SGCZ: variants seen among roughly 807,000 people sequenced by gnomAD.
SGCZ encodes the protein sarcoglycan zeta, also known as zeta-sarcoglycan.
In SGCZ, 40 loss-of-function variants were observed where a neutral mutation model predicts 41.3. That is an observed-to-expected ratio of 0.97 (90% CI 0.75 to 1.26). The LOEUF (loss-of-function observed/expected upper bound fraction) is 1.26, where lower values mean the gene tolerates loss of function less well. Among genes scored for constraint, SGCZ ranks in the 50% most tolerant of loss-of-function variants. SGCZ has a pLI of 0.00. For missense variants in SGCZ, 552 were observed against 369.8 expected (o/e 1.49, Z -4.04); for synonymous variants, 206 against 137.5 (o/e 1.50, Z -3.49).
chr8:14,142,340 T>C (rs139104755), intron 5 of SGCZ, among the ~76,000 whole-genome samples: 2 of 152,076 alleles, frequency 1.3e-5, no homozygotes, highest in African/African-American at 4.8e-5. Context: ...AAAAGAAATA[T>C]GAAAACACAT....
chr8:14,226,341 G>A (rs1340372890), intron 4 of SGCZ, among the ~76,000 whole-genome samples: 1 of 151,934 alleles, frequency 6.6e-6, no homozygotes, highest in Non-Finnish European at 1.5e-5. Flanking sequence ...CAAAATATAG[G>A]ACAGGTTCAT....
At chr8:14,567,725 ACACT>A (rs1465352394) in intron 1 of SGCZ, among the ~76,000 whole-genome samples, 1 of 152,136 alleles carries the variant, frequency 6.6e-6, no homozygotes, top group African/African-American at 2.4e-5. Context: ...ATGAGCTGTA[ACACT>A]CACCGTGAAG....
At chr8:14,972,105 G>T (rs1346177685) in intron 1 of SGCZ, among the ~76,000 whole-genome samples, 4 of 151,764 alleles carry the variant, frequency 2.6e-5, no homozygotes, top group Admixed American at 6.6e-5. Context: ...TGTAGACTTT[G>T]GTATTATTTC....
At chr8:14,277,391 T>C (rs1304172466) in intron 3 of SGCZ, among the ~76,000 whole-genome samples, 5 of 151,700 alleles carry the variant, frequency 3.3e-5, no homozygotes, top group Non-Finnish European at 5.9e-5. Context: ...GTTCAAATTA[T>C]ATTTTTACAA....
At chr8:14,834,156 G>T (rs1398849364) in intron 1 of SGCZ, among the ~76,000 whole-genome samples, 1 of 152,032 alleles carries the variant, frequency 6.6e-6, no homozygotes, top group Non-Finnish European at 1.5e-5. Context: ...TTGTAAATTG[G>T]TATTTTGTAA....
intron 1 of SGCZ, among the ~76,000 whole-genome samples, chr8:14,752,132 C>CAAAAAAAAAA (rs56243371): frequency 8.5e-6 from 1 of 117,794 alleles, no homozygotes; most frequent in Admixed American, 9.3e-5. Flanking sequence ...ACAAAAAAGC[C>CAAAAAAAAAA]AAAAAAAAAA....
chr8:14,619,780 G>A (rs556709297), intron 1 of SGCZ, among the ~76,000 whole-genome samples: 13 of 152,092 alleles, frequency 8.5e-5, no homozygotes, highest in African/African-American at 2.4e-4. Flanking sequence ...CACGCTCAAC[G>A]AAATAAAAGA....
chr8:15,194,185 TCACACACACACACACACACACACACA>T (rs34127082), intron 1 of SGCZ, among the ~76,000 whole-genome samples: 1 of 139,494 alleles, frequency 7.2e-6, no homozygotes, highest in South Asian at 2.4e-4. Flanking sequence ...CCACCTCTAA[TCACACACACACACACACACACACACA>T]CACACACACA....
rs1806473016 is a variant in SGCZ, at chr8:14,229,106, A to G, written c.424+8486T>C. 2.0e-5 allele frequency among the ~76,000 whole-genome samples: 3 copies of G among 152,122 alleles called. No homozygotes were observed. The South Asian group carries it at 6.2e-4, about 31-fold the overall frequency. The stretch of plus-strand genomic sequence containing the variant: ...AACCGTCTCTTTCAGGTTTTAGTCT[A>G]GGTCCTCCAGGAAGGAAAATCTCTA... On this transcript the variant is annotated intron_variant, in intron 4 of 7. Coordinates refer to ENST00000382080, the MANE Select transcript of SGCZ (RefSeq NM_139167.4).
chr8:15,235,881 T>C (rs1433290000), intron 1 of SGCZ, among the ~76,000 whole-genome samples: 1 of 152,224 alleles, frequency 6.6e-6, no homozygotes, highest in African/African-American at 2.4e-5. Context: ...TACATTCTTC[T>C]TCGCATCTCA....
At chr8:14,843,652 CACAT>C (rs1483844975) in intron 1 of SGCZ, among the ~76,000 whole-genome samples, 1 of 151,974 alleles carries the variant, frequency 6.6e-6, no homozygotes, top group African/African-American at 2.4e-5. Flanking sequence ...TTTATAGACA[CACAT>C]ACAAAGCACA....
At chr8:15,203,137 C>A (rs776646250) in intron 1 of SGCZ, among the ~76,000 whole-genome samples, 1 of 151,606 alleles carries the variant, frequency 6.6e-6, no homozygotes, top group African/African-American at 2.4e-5. Context: ...AAAAAAACAC[C>A]AATATGTGCC....
At chr8:14,934,977 C>A (rs1800037992) in intron 1 of SGCZ, among the ~76,000 whole-genome samples, 1 of 143,322 alleles carries the variant, frequency 7.0e-6, no homozygotes. Flanking sequence ...CAGAGTTATT[C>A]ATCCACAATA....
chr8:15,043,631 T>C (rs759058060), intron 1 of SGCZ, among the ~76,000 whole-genome samples: 5 of 152,132 alleles, frequency 3.3e-5, no homozygotes, highest in African/African-American at 7.2e-5. Flanking sequence ...TTTTAAAGTA[T>C]GTAACAATCT....
intron 1 of SGCZ, among the ~76,000 whole-genome samples, chr8:15,202,481 G>T (rs1200155847): frequency 6.6e-6 from 1 of 152,102 alleles, no homozygotes. Flanking sequence ...CAGTACAACG[G>T]ACTTTGAGGT....
intron 1 of SGCZ, among the ~76,000 whole-genome samples, chr8:15,159,451 TG>T (rs1252732466): frequency 6.6e-6 from 1 of 152,136 alleles, no homozygotes; most frequent in African/African-American, 2.4e-5. Flanking sequence ...GGCTTGGGCT[TG>T]TGACTGGCAT....
intron 4 of SGCZ, among the ~76,000 whole-genome samples, chr8:14,234,199 A>T (rs894897106): frequency 2.0e-5 from 3 of 152,078 alleles, no homozygotes; most frequent in Non-Finnish European, 2.9e-5. Context: ...AGCCAGAAAC[A>T]TATAAAATAT....
chr8:14,425,329 A>C (rs1308444211), intron 2 of SGCZ, among the ~76,000 whole-genome samples: 3 of 152,186 alleles, frequency 2.0e-5, no homozygotes, highest in African/African-American at 7.2e-5. Flanking sequence ...AATTTCAAAA[A>C]GTACATCTTG....
intron 1 of SGCZ, among the ~76,000 whole-genome samples, chr8:14,560,510 T>A (rs1041268561): frequency 6.6e-6 from 1 of 152,072 alleles, no homozygotes; most frequent in Non-Finnish European, 1.5e-5. Context: ...CACTGGCAAG[T>A]AGGAGACCTT....
Sources: gnomAD v4.1 joint callset for allele counts (sites outside exome capture counted in the v4.1 genomes callset) on GRCh38, gnomAD v4.1.1 for gene constraint, MANE v1.5 for transcripts, NCBI Gene and HGNC (gene_info 2026-07-23, HGNC 2026-07-21) for gene names.